Variants in ARHGEF3 observed in about 807,000 individuals in gnomAD.
The protein encoded by ARHGEF3 is Rho guanine nucleotide exchange factor 3.
ARHGEF3 carries 28 observed loss-of-function variants against 63.2 expected under a neutral mutation model. That is an observed-to-expected ratio of 0.44 (90% CI 0.33 to 0.61). The LOEUF (loss-of-function observed/expected upper bound fraction) is 0.61, where lower values mean the gene tolerates loss of function less well. Among genes scored for constraint, ARHGEF3 ranks in the 20% least tolerant of loss-of-function variants. The pLI, the probability that ARHGEF3 is intolerant of heterozygous loss-of-function variation, is 0.03. For synonymous variants in ARHGEF3, 266 were observed against 254.2 expected, an observed-to-expected ratio of 1.05 and a Z score of -0.44; for missense variants, 533 against 659.3, an observed-to-expected ratio of 0.81 and a Z score of 2.10.
chr3:56,767,630 G>A (rs1405066347), intron 2 of ARHGEF3, among the ~76,000 whole-genome samples: 1 of 149,370 alleles, frequency 6.7e-6, no homozygotes, highest in African/African-American at 2.5e-5. Flanking sequence ...TATAGTAAAA[G>A]GTAAGATTGC....
At chr3:56,966,626 T>C (rs1482444625) in intron 2 of ARHGEF3, among the ~76,000 whole-genome samples, 3 of 152,054 alleles carry the variant, frequency 2.0e-5, no homozygotes, top group South Asian at 2.1e-4. Context: ...TGGAGTGACA[T>C]GATGAGATTT....
intron 2 of ARHGEF3, among the ~76,000 whole-genome samples, chr3:56,980,178 T>C (rs541335357): frequency 3.9e-5 from 6 of 152,352 alleles, no homozygotes; most frequent in African/African-American, 1.4e-4. Flanking sequence ...AGTAAGGCAG[T>C]AGCAAGAAGA....
chr3:56,773,649 G>T (rs2036124870), intron 2 of ARHGEF3, 60 bp downstream of exon 2: 1 of 1,390,590 alleles, frequency 7.2e-7, no homozygotes, highest in Non-Finnish European at 9.7e-7. Flanking sequence ...GTAGGATGGG[G>T]ATGTTCCTTC....
chr3:56,956,212 T>G (rs1318830885), intron 3 of ARHGEF3, among the ~76,000 whole-genome samples: 1 of 59,494 alleles, frequency 1.7e-5, no homozygotes, highest in Non-Finnish European at 5.1e-5. Flanking sequence ...AGGGGCAGGG[T>G]TGGTGTTTTT....
At chr3:56,882,164 C>A in intron 4 of ARHGEF3, 1 of 881,164 alleles carries the variant, frequency 1.1e-6, no homozygotes, top group East Asian at 2.8e-5. Context: ...AAAAATTTCC[C>A]CCAGGTCACA....
At chr3:56,861,629 G>A (rs1343114792) in intron 4 of ARHGEF3, among the ~76,000 whole-genome samples, 2 of 152,078 alleles carry the variant, frequency 1.3e-5, no homozygotes, top group Non-Finnish European at 2.9e-5. Context: ...AATGGAACCT[G>A]AGTATAAAAT....
intron 3 of ARHGEF3, among the ~76,000 whole-genome samples, chr3:56,890,592 GT>G (rs1358251411): frequency 6.6e-5 from 10 of 152,318 alleles, no homozygotes; most frequent in South Asian, 6.2e-4. Flanking sequence ...AGGAGACCTG[GT>G]ACGCTGCCTG....
intron 6 of ARHGEF3, among the ~76,000 whole-genome samples, chr3:56,750,070 T>G (rs933764778): frequency 6.6e-6 from 1 of 152,334 alleles, no homozygotes; most frequent in South Asian, 2.1e-4. Flanking sequence ...TTAGCTGTTG[T>G]GGTACTTCCT....
rs751505778 is a variant in ARHGEF3, at chr3:56,728,012, C to T, written c.*1258G>A. 11 of 152,564 alleles carry T rather than the reference C, an allele frequency of 7.2e-5. No homozygotes were observed. The highest frequency in any genetic ancestry group is 1.2e-4 in the Non-Finnish European group (8 of 68,018). The allele number at this position is 152,564 out of a possible 1,614,324, so 9.5% of individuals were successfully genotyped here. On this transcript the variant is annotated 3_prime_UTR_variant, in exon 10 of 10. Transcript: ENST00000296315. Reference sequence around the variant, plus strand: ...GGTGTGGGTATAATTTTGCACAGGTCATCCTTAATATTTACACTTGCAGGG... The same window carrying T: ...GGTGTGGGTATAATTTTGCACAGGTTATCCTTAATATTTACACTTGCAGGG...
intron 2 of ARHGEF3, among the ~76,000 whole-genome samples, chr3:56,966,749 T>C (rs978241884): frequency 6.6e-6 from 1 of 152,064 alleles, no homozygotes; most frequent in African/African-American, 2.4e-5. Context: ...GTGTGGCCTG[T>C]CTCAGGGACA....
Position 56,948,863 on chromosome 3 carries a change from G to T in ARHGEF3, c.129+9960C>A, listed in dbSNP as rs1213014602. Among the ~76,000 whole-genome samples the T allele has an allele frequency of 2.0e-5, 3 of 151,946 alleles. No individual in the cohort carries two copies. In the South Asian group the frequency reaches 6.2e-4, roughly 32 times the overall value. ...TAGACCAATATCCCTGATGAACATCGATGCAAATATCCTCAATAAAATACT... is the reference window on the plus strand; with the variant it reads ...TAGACCAATATCCCTGATGAACATCTATGCAAATATCCTCAATAAAATACT... On this transcript the variant is annotated intron_variant, in intron 3 of 12. Transcript: ENST00000338458.
At chr3:57,058,466 C>A (rs895254087) in intron 1 of ARHGEF3, among the ~76,000 whole-genome samples, 6 of 152,160 alleles carry the variant, frequency 3.9e-5, no homozygotes, top group African/African-American at 1.4e-4. Flanking sequence ...AAAATAACAA[C>A]TTGAAATGCT....
rs111351314 is a variant in ARHGEF3, at chr3:56,901,314, A to T, written c.130-18960T>A. 2.1e-3 allele frequency among the ~76,000 whole-genome samples: 316 copies of T among 152,264 alleles called. 3 individuals are homozygous for T. Among genetic ancestry groups the T allele is most frequent in the African/African-American group, 7.1e-3 (294 of 41,546 alleles). ...ACTGACAAATGAGAGTGAATCAAAA[A>T]TGCAAGAGATTAGAAGAAAGGGCAA... On this transcript the variant is annotated intron_variant, in intron 3 of 12. Transcript: ENST00000338458.
Position 56,737,365 on chromosome 3 carries a change from C to T in ARHGEF3, c.871-10G>A, listed in dbSNP as rs1398376161. 3.1e-6 allele frequency: 5 copies of T among 1,604,156 alleles called. No individual in the cohort carries two copies. The highest frequency in any genetic ancestry group is 3.4e-6 in the Non-Finnish European group (4 of 1,173,342). Reference sequence around the variant, plus strand: ...CCTGAATGATATTTATCTATGAAAACAAAGAGGAAAATTAAGTATGGAGGA... The same window carrying T: ...CCTGAATGATATTTATCTATGAAAATAAAGAGGAAAATTAAGTATGGAGGA... On this transcript the variant is annotated splice_polypyrimidine_tract_variant and intron_variant, in intron 7 of 9. Transcript: ENST00000296315.
At chr3:56,757,115 A>G (rs2035120798) in intron 2 of ARHGEF3, among the ~76,000 whole-genome samples, 1 of 152,230 alleles carries the variant, frequency 6.6e-6, no homozygotes. Context: ...AGATTCAACA[A>G]TAAAATTCCA....
Position 56,729,372 on chromosome 3 carries a change from T to C in ARHGEF3, c.1479A>G (p.Ser493=), listed in dbSNP as rs767348051. ...LEQMDQSDSE[S]DCSMDTSEVS... is the part of the protein sequence containing the mutation. The stretch of plus-strand genomic sequence containing the variant: ...CCTCACTCGTGTCCATACTACAGTC[T>C]GACTCACTGTCCGATTGGTCCATCT... The change falls in exon 10 of 10, where the codon TCA becomes TCG. Residue 493 remains serine, a synonymous_variant. Transcript: ENST00000296315. 2 of 1,614,146 alleles carry C rather than the reference T, an allele frequency of 1.2e-6. No homozygotes were observed.
intron 2 of ARHGEF3, among the ~76,000 whole-genome samples, chr3:56,967,940 T>C (rs1700657922): frequency 1.6e-5 from 1 of 63,576 alleles, no homozygotes; most frequent in Admixed American, 3.3e-4. Flanking sequence ...ATATAAAATA[T>C]ATTATATATT....
intron 2 of ARHGEF3, chr3:56,959,003 C>T (rs4626067): frequency 0.12 from 135,670 of 1,126,698 alleles, 9,629 homozygotes; most frequent in East Asian, 0.27. Context: ...ATGGCCCAAA[C>T]AAGGTGGATG....
At chr3:57,002,481 ATATATATATATATATGT>A (rs1560122788) in intron 2 of ARHGEF3, among the ~76,000 whole-genome samples, 2,206 of 19,426 alleles carry the variant, frequency 0.11, 259 homozygotes, top group East Asian at 0.21. Flanking sequence ...TATATATGTT[ATATATATATATATATGT>A]TATATATATA....
Sources: allele counts gnomAD v4.1 joint callset (sites outside exome capture counted in the v4.1 genomes callset), GRCh38; gene constraint gnomAD v4.1.1; transcripts MANE v1.5; gene names NCBI Gene and HGNC (gene_info 2026-07-23, HGNC 2026-07-21).